Variants in DOCK2 observed in about 807,000 individuals in gnomAD.
The protein encoded by DOCK2 is dedicator of cytokinesis 2, also known as dedicator of cytokinesis protein 2.
DOCK2 carries 87 observed loss-of-function variants against 248.9 expected under a neutral mutation model. The ratio of observed to expected loss-of-function variants is 0.35; its 90% CI spans 0.29 to 0.42. The LOEUF (loss-of-function observed/expected upper bound fraction) is 0.42. DOCK2 is among the 10% of genes least tolerant of loss of function. DOCK2 has a pLI of 1.00. For missense variants in DOCK2, 1,747 were observed against 2,300.2 expected (o/e 0.76, Z 4.92); for synonymous variants, 805 against 821.6 (o/e 0.98, Z 0.35).
intron 30 of DOCK2, among the ~76,000 whole-genome samples, chr5:169,999,007 T>C (rs1333916546): frequency 6.6e-6 from 1 of 152,190 alleles, no homozygotes; most frequent in Non-Finnish European, 1.5e-5. Context: ...TTGGTCCATA[T>C]AACTGCGAGC....
chr5:169,698,121 A>G lies in DOCK2; in HGVS notation c.980-253A>G, dbSNP rs1760739779. Among the ~76,000 whole-genome samples the G allele has an allele frequency of 2.0e-5, 3 of 152,164 alleles. 1 individual carries two copies. Among genetic ancestry groups the G allele is most frequent in the African/African-American group, 7.2e-5 (3 of 41,440 alleles). Reference sequence around the variant, plus strand: ...CTTTCCTTTTGGCCTCTGCTAAGCCATGGTGCTCTTGGATGCCTCCCTGGC... The same window carrying G: ...CTTTCCTTTTGGCCTCTGCTAAGCCGTGGTGCTCTTGGATGCCTCCCTGGC... On this transcript the variant is annotated intron_variant, in intron 10 of 51. Coordinates refer to ENST00000520908, the MANE Select transcript of DOCK2 (RefSeq NM_004946.3).
At chr5:169,697,476 C>T (rs1760702797) in intron 10 of DOCK2, among the ~76,000 whole-genome samples, 1 of 152,196 alleles carries the variant, frequency 6.6e-6, no homozygotes, top group Non-Finnish European at 1.5e-5. Flanking sequence ...TCTCCATAGT[C>T]TTTACTCTGG....
chr5:169,873,302 A>G (rs1424575745), intron 27 of DOCK2, among the ~76,000 whole-genome samples: 3 of 152,208 alleles, frequency 2.0e-5, no homozygotes. Flanking sequence ...GAGAAATTTT[A>G]CCTTTTACAT....
chr5:169,896,756 G>T (rs1773633894), intron 27 of DOCK2, among the ~76,000 whole-genome samples: 1 of 152,220 alleles, frequency 6.6e-6, no homozygotes, highest in Admixed American at 6.5e-5. Context: ...GAATATTTAT[G>T]ATATAGTCCC....
chr5:169,933,578 CAATG>C (rs1019668678), intron 27 of DOCK2, among the ~76,000 whole-genome samples: 7 of 152,220 alleles, frequency 4.6e-5, no homozygotes, highest in Non-Finnish European at 7.3e-5. Flanking sequence ...TTTTCAGAAA[CAATG>C]AATCTTTAGT....
intron 22 of DOCK2, among the ~76,000 whole-genome samples, chr5:169,744,576 AT>A (rs958068427): frequency 1.3e-5 from 2 of 151,264 alleles, no homozygotes; most frequent in Admixed American, 1.3e-4. Context: ...AGGAGAGTTT[AT>A]TTTAAAGATA....
At chr5:169,826,420 G>T (rs1006381001) in intron 26 of DOCK2, among the ~76,000 whole-genome samples, 4 of 151,958 alleles carry the variant, frequency 2.6e-5, no homozygotes, top group Non-Finnish European at 2.9e-5. Flanking sequence ...TCTCATCTCT[G>T]GGGGGGACGA....
chr5:169,883,153 G>A (rs1413100683), intron 27 of DOCK2: 3 of 1,551,466 alleles, frequency 1.9e-6, no homozygotes, highest in South Asian at 1.2e-5. Flanking sequence ...TGAATCTAGT[G>A]GAGTCACCCT....
chr5:169,883,912 G>A lies in DOCK2; in HGVS notation c.2799+43060G>A, dbSNP rs938936526. 3 of 1,492,290 alleles carry A rather than the reference G, an allele frequency of 2.0e-6. No homozygotes were observed. In the African/African-American group the frequency reaches 4.2e-5, roughly 21 times the overall value. 92.4% of individuals were successfully genotyped at this position (1,492,290 alleles called of 1,614,324 possible). The stretch of plus-strand genomic sequence containing the variant: ...TTGCTGGGCCATTGAGCCTCAGTGG[G>A]AAGGATCAGGACCATACACTTCTCC... On this transcript the variant is annotated intron_variant, in intron 27 of 51. Transcript: ENST00000520908.
At chr5:169,949,387 C>T (rs888003321) in intron 27 of DOCK2, among the ~76,000 whole-genome samples, 1 of 152,154 alleles carries the variant, frequency 6.6e-6, no homozygotes, top group Non-Finnish European at 1.5e-5. Flanking sequence ...TTCCATGTTC[C>T]TGGGGCTGCC....
chr5:169,735,300 C>A (rs1762980840), intron 22 of DOCK2, among the ~76,000 whole-genome samples: 1 of 152,198 alleles, frequency 6.6e-6, no homozygotes, highest in Non-Finnish European at 1.5e-5. Context: ...AGAAGTCTTT[C>A]TCCACTCTGG....
intron 2 of DOCK2, among the ~76,000 whole-genome samples, chr5:169,660,452 G>A (rs971821921): frequency 6.6e-6 from 1 of 150,538 alleles, no homozygotes; most frequent in African/African-American, 2.4e-5. Flanking sequence ...TTCTAGAAAT[G>A]CAACTACATA....
intron 35 of DOCK2, among the ~76,000 whole-genome samples, chr5:170,034,909 C>G (rs994440727): frequency 1.3e-5 from 2 of 152,140 alleles, no homozygotes; most frequent in African/African-American, 4.8e-5. Context: ...ATGGGATGGA[C>G]AAGCTAAGGA....
At chr5:169,859,947 G>A (rs1771095508) in intron 27 of DOCK2, among the ~76,000 whole-genome samples, 1 of 146,796 alleles carries the variant, frequency 6.8e-6, no homozygotes, top group South Asian at 2.2e-4. Context: ...CGTGGTTTCT[G>A]GTGGATCCTT....
intron 27 of DOCK2, chr5:169,875,339 A>G: frequency 6.6e-6 from 3 of 456,682 alleles, no homozygotes; most frequent in Non-Finnish European, 1.3e-5. Context: ...GTTCCGATGC[A>G]GATGGTCCAC....
intron 27 of DOCK2, among the ~76,000 whole-genome samples, chr5:169,965,098 C>A (rs904734843): frequency 6.6e-6 from 1 of 152,200 alleles, no homozygotes; most frequent in Non-Finnish European, 1.5e-5. Flanking sequence ...TCATCCATTG[C>A]TGCACATAGT....
chr5:169,897,510 A>G (rs577688644), intron 27 of DOCK2, among the ~76,000 whole-genome samples: 8 of 152,278 alleles, frequency 5.3e-5, no homozygotes, highest in African/African-American at 1.9e-4. Context: ...CTCTTTAACC[A>G]AGAGAAGAGC....
chr5:170,078,939 A>C, intron 48 of DOCK2, 36 bp from the exon 49 acceptor site: 1 of 1,610,594 alleles, frequency 6.2e-7, no homozygotes, highest in Non-Finnish European at 8.5e-7. Flanking sequence ...TGAAGCTCTA[A>C]CTGCAGTTTC....
At chr5:169,936,299 G>A (rs1341497815) in intron 27 of DOCK2, among the ~76,000 whole-genome samples, 1 of 152,194 alleles carries the variant, frequency 6.6e-6, no homozygotes, top group Non-Finnish European at 1.5e-5. Flanking sequence ...GATGGGGCTA[G>A]GCTGCAGCAA....
Sources: allele counts gnomAD v4.1 joint callset (sites outside exome capture counted in the v4.1 genomes callset), GRCh38; gene constraint gnomAD v4.1.1; transcripts MANE v1.5; gene names NCBI Gene and HGNC (gene_info 2026-07-23, HGNC 2026-07-21).